CORIN: variants seen among roughly 807,000 people sequenced by gnomAD.
The protein encoded by CORIN is corin, serine peptidase, also known as atrial natriuretic peptide-converting enzyme.
CORIN carries 117 observed loss-of-function variants against 125.3 expected under a neutral mutation model. The observed-to-expected ratio is 0.93, with a 90% CI of 0.80 to 1.09. The LOEUF (loss-of-function observed/expected upper bound fraction) is 1.09. Among genes scored for constraint, CORIN ranks in the 50% least tolerant of loss-of-function variants. The pLI is 0.00. For synonymous variants in CORIN, 450 were observed against 466.4 expected, an observed-to-expected ratio of 0.96 and a Z score of 0.45; for missense variants, 1,253 against 1,306.7, an observed-to-expected ratio of 0.96 and a Z score of 0.63.
intron 13 of CORIN, among the ~76,000 whole-genome samples, chr4:47,647,548 T>C (rs1723543786): frequency 6.6e-6 from 1 of 152,170 alleles, no homozygotes; most frequent in Admixed American, 6.5e-5. Flanking sequence ...TGAGATAACA[T>C]GTATTATCCA....
intron 12 of CORIN, among the ~76,000 whole-genome samples, chr4:47,658,608 TA>T (rs1369872069): frequency 6.6e-6 from 1 of 152,244 alleles, no homozygotes. Flanking sequence ...AGCAGTGTCC[TA>T]AGGCTGCAAA....
intron 16 of CORIN, among the ~76,000 whole-genome samples, chr4:47,636,028 G>A (rs1381930097): frequency 1.3e-5 from 2 of 152,130 alleles, no homozygotes; most frequent in Non-Finnish European, 2.9e-5. Flanking sequence ...GTAAATTTTA[G>A]GAGGAAGTTA....
chr4:47,832,445 C>CT (rs1211972356), intron 1 of CORIN, among the ~76,000 whole-genome samples: 6,577 of 76,644 alleles, frequency 0.086, 303 homozygotes, highest in African/African-American at 0.14. Flanking sequence ...CTTTTCTTTT[C>CT]TTTTTTTTTT....
At chr4:47,672,595 A>T (rs933110043) in intron 10 of CORIN, among the ~76,000 whole-genome samples, 1 of 152,186 alleles carries the variant, frequency 6.6e-6, no homozygotes, top group African/African-American at 2.4e-5. Context: ...GAAACAATGG[A>T]AACAGTGGCC....
chr4:47,824,429 C>T (rs1160744774), intron 1 of CORIN, among the ~76,000 whole-genome samples: 3 of 151,998 alleles, frequency 2.0e-5, no homozygotes, highest in African/African-American at 7.3e-5. Context: ...TCTTGCAGGT[C>T]CTTTGTTGGG....
intron 5 of CORIN, among the ~76,000 whole-genome samples, chr4:47,705,043 A>T (rs1470305812): frequency 2.0e-5 from 3 of 152,188 alleles, no homozygotes; most frequent in Non-Finnish European, 4.4e-5. Flanking sequence ...TTGGCTTGTG[A>T]TTGCGACTGA....
intron 5 of CORIN, among the ~76,000 whole-genome samples, chr4:47,697,277 C>CT (rs1446733147): frequency 6.6e-6 from 1 of 152,096 alleles, no homozygotes; most frequent in South Asian, 2.1e-4. Flanking sequence ...GAGAGAAAAT[C>CT]TAAGGGTGTG....
At chr4:47,607,581 A>G (rs1038526185) in intron 19 of CORIN, among the ~76,000 whole-genome samples, 2 of 150,776 alleles carry the variant, frequency 1.3e-5, no homozygotes, top group Admixed American at 1.3e-4. Context: ...GAAACCAAAA[A>G]CAGAACAAGA....
At chr4:47,769,410 C>T (rs1196360150) in intron 3 of CORIN, among the ~76,000 whole-genome samples, 2 of 151,990 alleles carry the variant, frequency 1.3e-5, no homozygotes, top group East Asian at 1.9e-4. Flanking sequence ...ATCCTGTATT[C>T]ATGGTTTGGA....
chr4:47,656,634 A>G (rs893371222), intron 12 of CORIN, among the ~76,000 whole-genome samples: 6 of 152,224 alleles, frequency 3.9e-5, no homozygotes, highest in Non-Finnish European at 8.8e-5. Context: ...AACATAGCTC[A>G]GCAAAATAAA....
Position 47,595,489 on chromosome 4 carries a change from T to A in CORIN, c.*232A>T. The A allele has an allele frequency of 3.1e-6, 1 of 323,412 alleles. No individual in the cohort carries two copies. The highest frequency in any genetic ancestry group is 5.6e-6 in the Non-Finnish European group (1 of 177,452). 20.0% of individuals were successfully genotyped at this position (323,412 alleles called of 1,614,324 possible). ...GGCCTGGCAAAAGGACAAAGTCTGC[T>A]TTGTTTGCTTTTGTAAAGTCTTTCA... is the stretch of plus-strand genomic sequence containing the variant. On this transcript the variant is annotated 3_prime_UTR_variant, in exon 22 of 22. Coordinates refer to ENST00000273857, the MANE Select transcript of CORIN (RefSeq NM_006587.4).
chr4:47,820,933 G>A (rs1732482388), intron 1 of CORIN, among the ~76,000 whole-genome samples: 1 of 152,068 alleles, frequency 6.6e-6, no homozygotes, highest in Admixed American at 6.6e-5. Context: ...ATAATTTATG[G>A]CAATGTGAAA....
intron 11 of CORIN, among the ~76,000 whole-genome samples, chr4:47,664,799 A>G (rs1229516780): frequency 1.3e-5 from 2 of 152,236 alleles, no homozygotes; most frequent in Non-Finnish European, 2.9e-5. Flanking sequence ...TAAAACACAT[A>G]AACTATCATC....
chr4:47,814,887 C>A (rs1310426923), intron 1 of CORIN, among the ~76,000 whole-genome samples: 1 of 152,118 alleles, frequency 6.6e-6, no homozygotes, highest in African/African-American at 2.4e-5. Context: ...AATAACAGCA[C>A]CAGATAGTCC....
At chr4:47,720,516 A>C (rs61762907) in intron 5 of CORIN, among the ~76,000 whole-genome samples, 3 of 152,208 alleles carry the variant, frequency 2.0e-5, no homozygotes, top group African/African-American at 7.2e-5. Context: ...GTACATGCAG[A>C]TAACTATTGG....
At chr4:47,644,472 A>G (rs1266330059) in intron 14 of CORIN, among the ~76,000 whole-genome samples, 2 of 152,210 alleles carry the variant, frequency 1.3e-5, no homozygotes, top group East Asian at 3.8e-4. Context: ...TGTCATTTTG[A>G]TTTGGGCTTT....
chr4:47,738,524 C>T (rs1469443203), intron 5 of CORIN, among the ~76,000 whole-genome samples: 4 of 152,180 alleles, frequency 2.6e-5, no homozygotes, highest in African/African-American at 9.7e-5. Context: ...AGGGAACTCA[C>T]TGAACAAATA....
At chr4:47,796,742 C>T (rs760261139) in intron 2 of CORIN, among the ~76,000 whole-genome samples, 2 of 151,892 alleles carry the variant, frequency 1.3e-5, no homozygotes, top group African/African-American at 2.4e-5. Flanking sequence ...AATCATACCT[C>T]ATTAAAAGGG....
intron 5 of CORIN, among the ~76,000 whole-genome samples, chr4:47,711,090 C>T (rs1311942510): frequency 6.6e-6 from 1 of 152,094 alleles, no homozygotes; most frequent in Non-Finnish European, 1.5e-5. Context: ...TGAGAGAAGT[C>T]CCCTAAGAAG....
Sources: gnomAD v4.1 joint callset for allele counts (sites outside exome capture counted in the v4.1 genomes callset) on GRCh38, gnomAD v4.1.1 for gene constraint, MANE v1.5 for transcripts, NCBI Gene and HGNC (gene_info 2026-07-23, HGNC 2026-07-21) for gene names.